NPAS3: variants seen among roughly 807,000 people sequenced by gnomAD.
The protein encoded by NPAS3 is neuronal PAS domain protein 3.
NPAS3 carries 14 observed loss-of-function variants against 73.1 expected under a neutral mutation model. That is an observed-to-expected ratio of 0.19 (90% CI 0.13 to 0.30). The LOEUF is 0.30. Ranked by LOEUF, NPAS3 falls within the 10% of genes least tolerant of loss-of-function variation. NPAS3 has a pLI of 1.00. For missense variants in NPAS3, 1,096 were observed against 1,250.0 expected, an observed-to-expected ratio of 0.88 and a Z score of 1.86; for synonymous variants, 620 against 541.5, an observed-to-expected ratio of 1.14 and a Z score of -2.01.
chr14:33,057,627 C>G, intron 2 of NPAS3, among the ~76,000 whole-genome samples: 1 of 152,142 alleles, frequency 6.6e-6, no homozygotes. Flanking sequence ...CATAGTAAGG[C>G]TTCCCTGCTA....
chr14:33,257,321 T>G (rs1231421277), intron 3 of NPAS3, among the ~76,000 whole-genome samples: 1 of 152,184 alleles, frequency 6.6e-6, no homozygotes, highest in Admixed American at 6.5e-5. Flanking sequence ...TCTTGGTGCC[T>G]TCACCATAAT....
intron 3 of NPAS3, among the ~76,000 whole-genome samples, chr14:33,256,346 CATAA>C (rs879852644): frequency 7.2e-5 from 11 of 152,074 alleles, no homozygotes; most frequent in Non-Finnish European, 1.5e-4. Flanking sequence ...TGAGGGAGAG[CATAA>C]ATAAATAATT....
intron 5 of NPAS3, among the ~76,000 whole-genome samples, chr14:33,635,814 T>G (rs1172658645): frequency 2.6e-5 from 4 of 152,332 alleles, no homozygotes; most frequent in African/African-American, 9.6e-5. Context: ...ATCCTTGAGA[T>G]CCTCTTCTCT....
At chr14:33,731,638 G>T (rs2140624013) in intron 6 of NPAS3, among the ~76,000 whole-genome samples, 1 of 152,208 alleles carries the variant, frequency 6.6e-6, no homozygotes, top group Non-Finnish European at 1.5e-5. Flanking sequence ...AAGGGGAACA[G>T]CAACCACACC....
rs560785456 is a variant in NPAS3 at position 33,271,961 on chromosome 14, G to GT, written c.385+56541dup. Among the ~76,000 whole-genome samples the GT allele has an allele frequency of 5.9e-5, 9 of 152,198 alleles. No homozygotes were observed. The East Asian group carries it at 1.7e-3, about 29-fold the overall frequency. ...ATTGTTATTACTATGATATTGTTCT[G>GT]TTTTTTCTTTTTTCCAAAACATAGA... On this transcript the variant is annotated intron_variant, in intron 3 of 11. Transcript: ENST00000356141.
chr14:33,314,069 A>T (rs919808833), intron 3 of NPAS3, among the ~76,000 whole-genome samples: 1 of 152,036 alleles, frequency 6.6e-6, no homozygotes, highest in Non-Finnish European at 1.5e-5. Flanking sequence ...GATATTATGT[A>T]TGGTGATGGT....
At chr14:33,694,985 A>G (rs2060335946) in intron 6 of NPAS3, among the ~76,000 whole-genome samples, 1 of 152,140 alleles carries the variant, frequency 6.6e-6, no homozygotes, top group South Asian at 2.1e-4. Context: ...AAAGAAAAAT[A>G]TTGCCTGGCT....
chr14:33,559,735 G>A (rs180948743), intron 4 of NPAS3, among the ~76,000 whole-genome samples: 262 of 152,284 alleles, frequency 1.7e-3, no homozygotes, highest in Non-Finnish European at 1.9e-3. Context: ...TAAATTCAGC[G>A]TGGCCGGGCG....
chr14:33,613,577 G>C (rs1489838280), intron 5 of NPAS3, among the ~76,000 whole-genome samples: 1 of 151,998 alleles, frequency 6.6e-6, no homozygotes, highest in African/African-American at 2.4e-5. Context: ...TGGTCTCCTG[G>C]TGCTCCAGCC....
chr14:33,077,774 G>GTTTTTTTTTTTTTTTTTTTTTTTTT lies in NPAS3; in HGVS notation c.140+21795_140+21796insTTTTTTTTTTTTTTTTTTTTTTTTT, dbSNP rs3057435. On this transcript the variant is annotated intron_variant, in intron 2 of 11. Transcript: ENST00000356141. ...CTTTGCTCAAAACATTGCAGTAAGG[G>GTTTTTTTTTTTTTTTTTTTTTTTTT]TTTTTTTTTTTTTTTGCCCCTTTTG... Among the ~76,000 whole-genome samples the GTTTTTTTTTTTTTTTTTTTTTTTTT allele has an allele frequency of 2.2e-4, 19 of 87,484 alleles. 3 individuals are homozygous for GTTTTTTTTTTTTTTTTTTTTTTTTT. Among genetic ancestry groups the GTTTTTTTTTTTTTTTTTTTTTTTTT allele is most frequent in the Non-Finnish European group, 3.2e-4 (14 of 43,800 alleles). 57.4% of individuals were successfully genotyped at this position (87,484 alleles called of 152,430 possible). A position where few individuals can be genotyped will look rare whatever the true frequency, so the allele number is the denominator to read the frequency against.
chr14:33,786,237 A>G (rs1276715919), intron 9 of NPAS3, among the ~76,000 whole-genome samples: 2 of 152,240 alleles, frequency 1.3e-5, no homozygotes, highest in East Asian at 1.9e-4. Context: ...GCTACATGGA[A>G]GAATCTATGT....
intron 5 of NPAS3, among the ~76,000 whole-genome samples, chr14:33,573,021 CAAAAAA>C (rs1172844613): frequency 1.6e-5 from 1 of 61,592 alleles, no homozygotes; most frequent in Non-Finnish European, 3.3e-5. Flanking sequence ...GACTTCTTCT[CAAAAAA>C]AAAAAAAAAA....
At chr14:33,666,519 G>C (rs1393853341) in intron 5 of NPAS3, among the ~76,000 whole-genome samples, 1 of 152,212 alleles carries the variant, frequency 6.6e-6, no homozygotes, top group Admixed American at 6.5e-5. Flanking sequence ...CAGATCTCTG[G>C]AGCCAGAATC....
At chr14:33,287,993 C>T (rs1397248192) in intron 3 of NPAS3, among the ~76,000 whole-genome samples, 1 of 151,950 alleles carries the variant, frequency 6.6e-6, no homozygotes, top group African/African-American at 2.4e-5. Flanking sequence ...GCACACCAAC[C>T]ATATCTCTTA....
chr14:33,314,628 T>C (rs1476793458), intron 3 of NPAS3, among the ~76,000 whole-genome samples: 1 of 152,074 alleles, frequency 6.6e-6, no homozygotes, highest in Non-Finnish European at 1.5e-5. Flanking sequence ...TAGAATATTA[T>C]CGATCCATAT....
At chr14:33,543,332 A>C (rs1353509781) in intron 4 of NPAS3, among the ~76,000 whole-genome samples, 2 of 152,228 alleles carry the variant, frequency 1.3e-5, no homozygotes, top group East Asian at 3.8e-4. Context: ...GTTTAAGTAG[A>C]AACTTAGCAA....
chr14:33,314,776 C>A (rs1346590600), intron 3 of NPAS3, among the ~76,000 whole-genome samples: 2 of 151,946 alleles, frequency 1.3e-5, no homozygotes, highest in Non-Finnish European at 2.9e-5. Flanking sequence ...CAAAATTTGG[C>A]CTGGTTTGCT....
At chr14:33,157,711 T>G (rs2044698546) in intron 2 of NPAS3, among the ~76,000 whole-genome samples, 1 of 152,196 alleles carries the variant, frequency 6.6e-6, no homozygotes, top group Non-Finnish European at 1.5e-5. Context: ...AATATGTACC[T>G]TATGTAAGAC....
chr14:33,594,909 T>C (rs2057189367), intron 5 of NPAS3, among the ~76,000 whole-genome samples: 1 of 152,102 alleles, frequency 6.6e-6, no homozygotes, highest in African/African-American at 2.4e-5. Context: ...GGGGCAGTAT[T>C]ATAAGGGGAA....
Sources: allele counts gnomAD v4.1 joint callset (sites outside exome capture counted in the v4.1 genomes callset), GRCh38; gene constraint gnomAD v4.1.1; transcripts MANE v1.5; gene names NCBI Gene and HGNC (gene_info 2026-07-23, HGNC 2026-07-21).